The following ARHGEF28 variants were observed in gnomAD, a reference collection of about 807,000 sequenced individuals.
The protein encoded by ARHGEF28 is Rho guanine nucleotide exchange factor 28.
Under a neutral mutation model 206.6 loss-of-function variants are expected in ARHGEF28, and 152 were observed. The ratio of observed to expected loss-of-function variants is 0.74; its 90% CI spans 0.64 to 0.84. The LOEUF (loss-of-function observed/expected upper bound fraction) is 0.84. Ranked by LOEUF, ARHGEF28 falls within the 40% of genes least tolerant of loss-of-function variation. The probability of loss-of-function intolerance (pLI) is 0.00; values close to 1 mark genes in which losing one functional copy is unlikely to be tolerated. For synonymous variants in ARHGEF28, 763 were observed against 776.4 expected, an observed-to-expected ratio of 0.98 and a Z score of 0.29; for missense variants, 2,028 against 2,073.2, an observed-to-expected ratio of 0.98 and a Z score of 0.42.
At chr5:73,628,602 C>A (rs1347817108) in intron 1 of ARHGEF28, among the ~76,000 whole-genome samples, 1 of 152,162 alleles carries the variant, frequency 6.6e-6, no homozygotes, top group Non-Finnish European at 1.5e-5. Flanking sequence ...GGGATCCCCC[C>A]ACCGGCCCCC....
intron 7 of ARHGEF28, among the ~76,000 whole-genome samples, chr5:73,789,276 A>C (rs550270246): frequency 1.3e-5 from 2 of 152,344 alleles, no homozygotes; most frequent in South Asian, 4.1e-4. Flanking sequence ...ATTATGCTAC[A>C]TGAATCCAGT....
intron 2 of ARHGEF28, among the ~76,000 whole-genome samples, chr5:73,725,630 T>C (rs16870745): frequency 0.22 from 32,831 of 152,218 alleles, 3,755 homozygotes; most frequent in African/African-American, 0.24. Flanking sequence ...TTCTTTTTAA[T>C]GCTGCATTAG....
At chr5:73,828,199 G>A (rs952031954) in intron 9 of ARHGEF28, 10 of 152,074 alleles carry the variant, frequency 6.6e-5, no homozygotes, top group Non-Finnish European at 1.3e-4. Context: ...TTCCTTTCAC[G>A]ATCAGTCTTC....
At chr5:73,773,664 T>C (rs1238551339) in intron 4 of ARHGEF28, among the ~76,000 whole-genome samples, 191 bp from the exon 5 acceptor site, 1 of 152,214 alleles carries the variant, frequency 6.6e-6, no homozygotes, top group African/African-American at 2.4e-5. Context: ...ACCTACTGCC[T>C]ACCTGGGCAT....
At chr5:73,779,275 C>T (rs933309629) in intron 6 of ARHGEF28, among the ~76,000 whole-genome samples, 9 of 152,074 alleles carry the variant, frequency 5.9e-5, no homozygotes, top group African/African-American at 1.2e-4. Context: ...AACTCGTAGC[C>T]GTATCTTTTA....
At chr5:73,902,785 T>C (rs761920055) in intron 31 of ARHGEF28, 2 of 152,248 alleles carry the variant, frequency 1.3e-5, no homozygotes, top group Non-Finnish European at 2.9e-5. Flanking sequence ...ATTTCCTGTC[T>C]TGTGTCAAAC....
At chr5:73,789,890 G>A (rs1754371442) in intron 7 of ARHGEF28, among the ~76,000 whole-genome samples, 1 of 152,046 alleles carries the variant, frequency 6.6e-6, no homozygotes, top group African/African-American at 2.4e-5. Context: ...CCCAACCCTT[G>A]CACTGGAAGA....
intron 1 of ARHGEF28, among the ~76,000 whole-genome samples, chr5:73,682,060 G>C (rs1747140086): frequency 1.3e-5 from 2 of 152,172 alleles, no homozygotes; most frequent in African/African-American, 2.4e-5. Context: ...TTCCAGCCTG[G>C]ATGACAGAGT....
chr5:73,920,812 T>G (rs1763482548), intron 35 of ARHGEF28, among the ~76,000 whole-genome samples: 1 of 152,166 alleles, frequency 6.6e-6, no homozygotes, highest in African/African-American at 2.4e-5. Context: ...ACTTAAAAAG[T>G]TAAAATGTGT....
intron 2 of ARHGEF28, among the ~76,000 whole-genome samples, chr5:73,712,782 T>C (rs922041712): frequency 7.2e-5 from 11 of 152,206 alleles, no homozygotes; most frequent in Non-Finnish European, 1.0e-4. Context: ...ACTACTTGCA[T>C]TCCAGGCTCA....
intron 22 of ARHGEF28, 61 bp downstream of exon 22, chr5:73,873,307 C>G: frequency 6.5e-7 from 1 of 1,527,670 alleles, no homozygotes; most frequent in Non-Finnish European, 8.8e-7. Context: ...TCAAAATCTG[C>G]CCTTTCATCA....
intron 4 of ARHGEF28, among the ~76,000 whole-genome samples, chr5:73,773,315 A>G (rs532883950): frequency 1.5e-4 from 23 of 152,282 alleles, no homozygotes; most frequent in Admixed American, 1.4e-3. Flanking sequence ...TCAGGGATTT[A>G]GTAGATGGGT....
chr5:73,828,702 CTCTG>C (rs1296985859), intron 9 of ARHGEF28, among the ~76,000 whole-genome samples: 4 of 147,828 alleles, frequency 2.7e-5, no homozygotes, highest in Non-Finnish European at 4.5e-5. Context: ...CTTTCTTTCT[CTCTG>C]TCTCTTTCTC....
rs184001160 is a variant in ARHGEF28 at position 73,842,473 on chromosome 5, A to G, written c.1427+1713A>G. On this transcript the variant is annotated intron_variant, in intron 11 of 35. Transcript: ENST00000513042. The stretch of plus-strand genomic sequence containing the variant: ...GTACCAAGGGTTATGTGTGATGTGT[A>G]AATAATAAAAGACTTGCTTTAGATT... Among the ~76,000 whole-genome samples the G allele has an allele frequency of 9.6e-4, 146 of 152,314 alleles. 2 individuals carry two copies. The highest frequency in any genetic ancestry group is 5.1e-3 in the Admixed American group (78 of 15,304).
At chr5:73,844,706 T>C (rs903191568) in intron 11 of ARHGEF28, among the ~76,000 whole-genome samples, 29 of 145,862 alleles carry the variant, frequency 2.0e-4, no homozygotes, top group African/African-American at 5.5e-4. Flanking sequence ...TTCTTGTATT[T>C]CAAAATCAAG....
At chr5:73,728,527 C>T (rs1388672126) in intron 2 of ARHGEF28, among the ~76,000 whole-genome samples, 1 of 152,098 alleles carries the variant, frequency 6.6e-6, no homozygotes, top group Non-Finnish European at 1.5e-5. Flanking sequence ...ATAACAAAGC[C>T]CTCTTTTAAC....
At position 73,832,314 on chromosome 5, in the gene ARHGEF28, C is replaced by T. The variant is rs370991984; in HGVS notation, c.1025-24C>T. 177 of 1,610,028 alleles carry T rather than the reference C, an allele frequency of 1.1e-4. 1 individual carries two copies. The highest frequency in any genetic ancestry group is 1.5e-4 in the Non-Finnish European group (171 of 1,177,652). ...AATAAGCCCCTTCTCCTTTATTTGC[C>T]CTGTTTTCATTTTTGTACTCTAGAT... On this transcript the variant is annotated intron_variant, in intron 9 of 35. Transcript: ENST00000513042.
chr5:73,656,779 G>T (rs1307064212), intron 1 of ARHGEF28, among the ~76,000 whole-genome samples: 1 of 152,052 alleles, frequency 6.6e-6, no homozygotes, highest in Admixed American at 6.6e-5. Context: ...ACAAGGCCTT[G>T]CATAATAGAT....
At chr5:73,785,589 T>C (rs1754111993) in intron 7 of ARHGEF28, among the ~76,000 whole-genome samples, 1 of 152,214 alleles carries the variant, frequency 6.6e-6, no homozygotes, top group African/African-American at 2.4e-5. Context: ...TGGGAGGCTA[T>C]TGCCTGCCTG....
Sources: allele counts gnomAD v4.1 joint callset (sites outside exome capture counted in the v4.1 genomes callset), GRCh38; gene constraint gnomAD v4.1.1; transcripts MANE v1.5; gene names NCBI Gene and HGNC (gene_info 2026-07-23, HGNC 2026-07-21).